PHLDB1: variants seen among roughly 807,000 people sequenced by gnomAD.
The protein encoded by PHLDB1 is pleckstrin homology-like domain family B member 1.
PHLDB1 carries 65 observed loss-of-function variants against 139.3 expected under a neutral mutation model. The ratio of observed to expected loss-of-function variants is 0.47; its 90% CI spans 0.38 to 0.57. The LOEUF (loss-of-function observed/expected upper bound fraction) is 0.57. PHLDB1 is among the 20% of genes least tolerant of loss of function. PHLDB1 has a pLI of 0.00. For synonymous variants in PHLDB1, 679 were observed against 734.5 expected (o/e 0.92, Z 1.22); for missense variants, 1,624 against 1,839.7 (o/e 0.88, Z 2.14).
rs1555086389 is a variant in PHLDB1 at position 118,613,987 on chromosome 11, A to G, written c.60+91A>G. On this transcript the variant is annotated intron_variant, in intron 2 of 22. Transcript: ENST00000600882. ...CTTGTGGTCCCAGCCCAAGGATGAA[A>G]GGAGCAATTCTGTTCCTCTCTGCCC... The G allele has an allele frequency of 9.8e-6, 8 of 813,984 alleles. No homozygotes were observed. The Admixed American group carries it at 1.4e-4, about 14-fold the overall frequency. The allele number at this position is 813,984 out of a possible 1,614,324, so 50.4% of individuals were successfully genotyped here. A position where few individuals can be genotyped will look rare whatever the true frequency, so the allele number is the denominator to read the frequency against.
chr11:118,613,087 A>G (rs72999455), intron 1 of PHLDB1: 7,641 of 153,718 alleles, frequency 0.05, 196 homozygotes, highest in Middle Eastern at 0.079. Flanking sequence ...TAAGCTTCCT[A>G]TAGCACCTAG....
rs782161886 is a variant in PHLDB1, at chr11:118,657,641, G to A, written c.*818G>A. The A allele has an allele frequency of 6.5e-6, 1 of 153,562 alleles. No homozygotes were observed. The highest frequency in any genetic ancestry group is 1.5e-5 in the Non-Finnish European group (1 of 68,784). 9.5% of individuals were successfully genotyped at this position (153,562 alleles called of 1,614,324 possible). A position where few individuals can be genotyped will look rare whatever the true frequency, so the allele number is the denominator to read the frequency against. On this transcript the variant is annotated 3_prime_UTR_variant, in exon 23 of 23. Transcript: ENST00000600882. Reference sequence around the variant, plus strand: ...TTAGAGCCAGAAGGGATGAAGCCGGGGGATCTATGGAACAGAGGAGGAGCG... The same window carrying A: ...TTAGAGCCAGAAGGGATGAAGCCGGAGGATCTATGGAACAGAGGAGGAGCG...
chr11:118,622,125 G>GTTTTT (rs1942945074), intron 4 of PHLDB1, among the ~76,000 whole-genome samples: 39 of 152,140 alleles, frequency 2.6e-4, no homozygotes, highest in Admixed American at 2.6e-3. Flanking sequence ...CAGATGTGCA[G>GTTTTT]CTCCTCCACC....
upstream of PHLDB1, among the ~76,000 whole-genome samples, chr11:118,607,229 A>C (rs1232420101): frequency 2.0e-5 from 3 of 149,630 alleles, no homozygotes; most frequent in African/African-American, 4.9e-5. Context: ...GGGGAGGGAG[A>C]ACGGATTGTC....
At chr11:118,635,869 G>T (rs1945559999) in intron 10 of PHLDB1, among the ~76,000 whole-genome samples, 1 of 152,210 alleles carries the variant, frequency 6.6e-6, no homozygotes, top group Non-Finnish European at 1.5e-5. Context: ...GAGGAGGCTT[G>T]CCCCTGTGCT....
intron 10 of PHLDB1, 93 bp downstream of exon 10, chr11:118,635,641 T>C (rs1945524278): frequency 7.9e-6 from 9 of 1,138,720 alleles, no homozygotes; most frequent in South Asian, 1.9e-5. Flanking sequence ...CTTCGTCTTT[T>C]GTGCCTGGAT....
In PHLDB1 at chr11:118,650,115, G is replaced by A. The variant is rs150016219; in HGVS notation, c.3693G>A (p.Glu1231=). ...PLTRYLPIRK[E]DFDLKTHIES... Reference sequence around the variant, plus strand: ...CCCGCTACCTGCCAATCCGGAAGGAGGACTTTGACCTGAAGACACATATTG... The same window carrying A: ...CCCGCTACCTGCCAATCCGGAAGGAAGACTTTGACCTGAAGACACATATTG... Residue 1231 remains glutamate, a synonymous_variant, in exon 19 of 23, where the codon GAG becomes GAA. Coordinates refer to ENST00000600882, the MANE Select transcript of PHLDB1 (RefSeq NM_001144758.3). The surrounding 1 kb of genome is among the most constrained non-coding windows in gnomAD (Gnocchi z 4.7). 184 of 1,614,110 alleles carry A rather than the reference G, an allele frequency of 1.1e-4. No individual in the cohort carries two copies. Among genetic ancestry groups the A allele is most frequent in the Non-Finnish European group, 1.5e-4 (174 of 1,180,030 alleles).
chr11:118,622,891 T>C (rs1455079081), intron 4 of PHLDB1, among the ~76,000 whole-genome samples: 2 of 152,154 alleles, frequency 1.3e-5, no homozygotes, highest in African/African-American at 4.8e-5. Flanking sequence ...CAGGGAAGGC[T>C]CCCTCTCTCT....
At chr11:118,624,706 A>C (rs1433974209) in intron 4 of PHLDB1, 6 of 411,618 alleles carry the variant, frequency 1.5e-5, no homozygotes. Flanking sequence ...GGTTCAAGCT[A>C]TTCTCTGATC....
At position 118,638,117 on chromosome 11, in the gene PHLDB1, A is replaced by G. The variant is rs996088046; in HGVS notation, c.2536-774A>G. ...GCTCTTGATAGGTAGAGAAGATTGG[A>G]ACAGCTCTCCTGGCCTAAGGAAGCG... On this transcript the variant is annotated intron_variant, in intron 10 of 22. Transcript: ENST00000600882. 2.6e-5 allele frequency: 4 copies of G among 152,240 alleles called. No homozygotes were observed. The East Asian group carries it at 7.7e-4, about 29-fold the overall frequency. The allele number at this position is 152,240 out of a possible 1,614,324, so 9.4% of individuals were successfully genotyped here.
At position 118,657,353 on chromosome 11, in the gene PHLDB1, A is replaced by C. The variant is rs2137229323; in HGVS notation, c.*530A>C. 6.5e-6 allele frequency: 1 copy of C among 154,284 alleles called. No homozygotes were observed. Among genetic ancestry groups the C allele is most frequent in the East Asian group, 1.9e-4 (1 of 5,202 alleles). 9.6% of individuals were successfully genotyped at this position (154,284 alleles called of 1,614,324 possible). On this transcript the variant is annotated 3_prime_UTR_variant, in exon 23 of 23. Coordinates refer to ENST00000600882, the MANE Select transcript of PHLDB1 (RefSeq NM_001144758.3). ...TCCCAGCTCCATCCCCTAGTTGCAG[A>C]CTCATCACCATGGTTACCATAGTGA...
intron 3 of PHLDB1, chr11:118,615,564 C>T: frequency 6.4e-6 from 1 of 155,638 alleles, no homozygotes. Context: ...GGAGAGCCTG[C>T]ACTGAAGAGA....
In PHLDB1 at chr11:118,613,864, G is replaced by A; in HGVS notation, c.28G>A (p.Gly10Ser). The A allele has an allele frequency of 1.9e-6, 3 of 1,612,148 alleles. No individual in the cohort carries two copies. The highest frequency in any genetic ancestry group is 2.5e-6 in the Non-Finnish European group (3 of 1,178,544). The change falls in exon 2 of 23, where the codon GGC becomes AGC. Residue 10 changes from glycine to serine, a missense_variant. Gly to Ser is a moderately conservative substitution (Grantham distance 56, BLOSUM62 0). Coordinates refer to ENST00000600882, the MANE Select transcript of PHLDB1 (RefSeq NM_001144758.3). Reference sequence around the variant, plus strand: ...GGACGCTCTCAATAGGAACCAAATAGGCCCTGGATGCCAGACCCAGACCAT... The same window carrying A: ...GGACGCTCTCAATAGGAACCAAATAAGCCCTGGATGCCAGACCCAGACCAT... MDALNRNQI[G>S]PGCQTQTMVQ...
At chr11:118,656,038 C>T (rs1315160790) in intron 22 of PHLDB1, 146 bp downstream of exon 22, 4 of 682,600 alleles carry the variant, frequency 5.9e-6, no homozygotes, top group South Asian at 1.7e-5. Flanking sequence ...CAAGAAGCTC[C>T]TGTGGGCTTG....
In PHLDB1 at chr11:118,628,236, G is replaced by A. The variant is rs368906730; in HGVS notation, c.1413G>A (p.Pro471=). 2.2e-5 allele frequency: 35 copies of A among 1,614,048 alleles called. No individual in the cohort carries two copies. In the African/African-American group the frequency reaches 2.7e-4, roughly 12 times the overall value. The part of the protein sequence containing the change: ...SPSLSRRALS[P]LPTRTTPDPK... ...CTCTGTCCCGGCGAGCTCTCTCCCC[G>A]CTGCCCACCCGGACCACCCCAGATC... Residue 471 remains proline (P), a synonymous_variant, in exon 6 of 23, where the codon CCG becomes CCA. Coordinates refer to ENST00000600882, the MANE Select transcript of PHLDB1 (RefSeq NM_001144758.3).
At chr11:118,629,581 G>A (rs1944438288) in intron 6 of PHLDB1, among the ~76,000 whole-genome samples, 1 of 152,238 alleles carries the variant, frequency 6.6e-6, no homozygotes. Flanking sequence ...ATGAGAACCA[G>A]AACTGAAGCA....
intron 9 of PHLDB1, chr11:118,633,725 C>T (rs1228019901): frequency 6.6e-6 from 1 of 152,188 alleles, no homozygotes; most frequent in South Asian, 2.1e-4. Context: ...AGGCTGAGTC[C>T]AAGGATGAGG....
intron 9 of PHLDB1, chr11:118,635,004 A>G (rs548131768): frequency 1.3e-5 from 6 of 471,624 alleles, no homozygotes; most frequent in South Asian, 9.3e-5. Flanking sequence ...GCAGCTCGAT[A>G]ACTGCCCCGA....
chr11:118,626,569 G>A (rs568947760), intron 5 of PHLDB1, among the ~76,000 whole-genome samples: 47 of 152,234 alleles, frequency 3.1e-4, no homozygotes, highest in African/African-American at 1.0e-3. Flanking sequence ...TTTTAGTAGA[G>A]ATGGGGTTTC....
Sources: allele counts gnomAD v4.1 joint callset (sites outside exome capture counted in the v4.1 genomes callset), GRCh38; gene constraint gnomAD v4.1.1; non-coding constraint Gnocchi (gnomAD v3.1); transcripts MANE v1.5; gene names NCBI Gene and HGNC (gene_info 2026-07-23, HGNC 2026-07-21).